Variants in ANKRD31 observed in about 807,000 individuals in gnomAD.
ANKRD31 encodes ankyrin repeat domain-containing protein 31.
A neutral mutation model predicts 186.0 loss-of-function variants in ANKRD31; 147 were observed. The ratio of observed to expected loss-of-function variants is 0.79; its 90% CI spans 0.69 to 0.91. The LOEUF is 0.91. ANKRD31 is among the 40% of genes least tolerant of loss of function. The probability of loss-of-function intolerance (pLI) is 0.00; values close to 1 mark genes in which losing one functional copy is unlikely to be tolerated. For synonymous variants in ANKRD31, 673 were observed against 736.4 expected, an observed-to-expected ratio of 0.91 and a Z score of 1.39; for missense variants, 1,986 against 2,148.8, an observed-to-expected ratio of 0.92 and a Z score of 1.50.
chr5:75,212,015 C>T (rs2150289634), intron 3 of ANKRD31, among the ~76,000 whole-genome samples: 1 of 152,058 alleles, frequency 6.6e-6, no homozygotes, highest in East Asian at 1.9e-4. Context: ...TCTTTTGTTG[C>T]CTGTGCTTTT....
intron 10 of ANKRD31, among the ~76,000 whole-genome samples, chr5:75,185,367 G>A (rs1754631040): frequency 6.6e-6 from 1 of 152,122 alleles, no homozygotes; most frequent in Non-Finnish European, 1.5e-5. Flanking sequence ...AGACCATCCT[G>A]GCCAACATGG....
In ANKRD31 at chr5:75,180,420, C is replaced by T. The variant is rs567189448; in HGVS notation, c.1564+8073G>A. ...TATGGAACCAAAAAAGAGCCCGCAT[C>T]GCCAAGTCAATCCTGAGCCAAAAGA... On this transcript the variant is annotated intron_variant, in intron 10 of 25. Transcript: ENST00000506364. Among the ~76,000 whole-genome samples, 8 of 152,194 alleles carry T rather than the reference C, an allele frequency of 5.3e-5. No individual in the cohort carries two copies. In the East Asian group the frequency reaches 5.8e-4, roughly 11 times the overall value.
chr5:75,150,958 A>G (rs1441454947), intron 12 of ANKRD31, among the ~76,000 whole-genome samples: 1 of 151,912 alleles, frequency 6.6e-6, no homozygotes, highest in Non-Finnish European at 1.5e-5. Flanking sequence ...TTCTCATGCA[A>G]TTTGGCTACT....
rs1261304230 is a variant in ANKRD31 at position 75,236,678 on chromosome 5, T to C, written c.9A>G (p.Glu3=). Residue 3 remains glutamate, a synonymous_variant, in exon 1 of 26, where the codon GAA becomes GAG. Coordinates refer to ENST00000506364, the MANE Select transcript of ANKRD31 (RefSeq NM_001372053.1). ...TGTCCCAGTCTGGGGCCTGGACGCC[T>C]TCCTCCATCTTTGCCTCACATTCAA... ME[E]GVQAPDWDSD... The C allele has an allele frequency of 3.9e-6, 6 of 1,535,976 alleles. No individual in the cohort carries two copies. Among genetic ancestry groups the C allele is most frequent in the Non-Finnish European group, 5.2e-6 (6 of 1,146,138 alleles).
chr5:75,233,150 C>A (rs1758057711), intron 1 of ANKRD31, among the ~76,000 whole-genome samples: 1 of 151,910 alleles, frequency 6.6e-6, no homozygotes, highest in African/African-American at 2.4e-5. Context: ...GCAACCTCCG[C>A]CTTCCAGGTT....
At chr5:75,214,183 G>A (rs1301123886) in intron 3 of ANKRD31, among the ~76,000 whole-genome samples, 1 of 152,146 alleles carries the variant, frequency 6.6e-6, no homozygotes, top group Non-Finnish European at 1.5e-5. Context: ...ATTCTTAAAT[G>A]TTGACATCCA....
chr5:75,167,195 T>C (rs1051138347), intron 11 of ANKRD31, among the ~76,000 whole-genome samples: 1 of 152,196 alleles, frequency 6.6e-6, no homozygotes, highest in Non-Finnish European at 1.5e-5. Context: ...TTACTGCTTT[T>C]TCACTTTTAG....
In ANKRD31 at chr5:75,148,635, A is replaced by C. The variant is rs1022233265; in HGVS notation, c.1853-7T>G. 6.6e-7 allele frequency: 1 copy of C among 1,517,766 alleles called. No individual in the cohort carries two copies. 94.0% of individuals were successfully genotyped at this position (1,517,766 alleles called of 1,614,324 possible). On this transcript the variant is annotated splice_region_variant and splice_polypyrimidine_tract_variant and intron_variant, in intron 12 of 25. Coordinates refer to ENST00000506364, the MANE Select transcript of ANKRD31 (RefSeq NM_001372053.1). ...TCAATGCTACTCCTTTGAGCTGTAA[A>C]CAAAAAGAGAAAATCAATGAAAACA... is the stretch of plus-strand genomic sequence containing the variant.
intron 2 of ANKRD31, among the ~76,000 whole-genome samples, chr5:75,224,275 G>A (rs1757508058): frequency 6.6e-6 from 1 of 151,064 alleles, no homozygotes; most frequent in African/African-American, 2.4e-5. Context: ...AGAACACTGT[G>A]ATTAAAGTGT....
At chr5:75,221,774 A>T (rs1757318997) in intron 3 of ANKRD31, among the ~76,000 whole-genome samples, 1 of 151,380 alleles carries the variant, frequency 6.6e-6, no homozygotes, top group Non-Finnish European at 1.5e-5. Context: ...GAAGATCTTT[A>T]TGATGACCCA....
At chr5:75,101,421 A>AG (rs1286516117) in intron 22 of ANKRD31, among the ~76,000 whole-genome samples, 1 of 151,990 alleles carries the variant, frequency 6.6e-6, no homozygotes, top group Non-Finnish European at 1.5e-5. Flanking sequence ...GCTCTTCTTG[A>AG]GGAGTATCTT....
chr5:75,160,093 T>C (rs1246223411), intron 11 of ANKRD31, among the ~76,000 whole-genome samples: 3 of 152,094 alleles, frequency 2.0e-5, no homozygotes, highest in African/African-American at 7.2e-5. Context: ...TACTTGCTCT[T>C]CTTATCTCAG....
chr5:75,220,369 G>C (rs1265609580), intron 3 of ANKRD31, among the ~76,000 whole-genome samples: 2 of 152,088 alleles, frequency 1.3e-5, no homozygotes, highest in Non-Finnish European at 2.9e-5. Context: ...GGCCGGGAAC[G>C]GTGGCTCACA....
intron 2 of ANKRD31, 75 bp downstream of exon 2, chr5:75,230,487 G>A: frequency 8.6e-7 from 1 of 1,161,696 alleles, no homozygotes; most frequent in South Asian, 1.5e-5. Flanking sequence ...CAGTTTCCAA[G>A]AACCTATCAA....
At position 75,197,038 on chromosome 5, in the gene ANKRD31, T is replaced by A. The variant is rs558187276; in HGVS notation, c.448-838A>T. Among the ~76,000 whole-genome samples, 3 of 152,204 alleles carry A rather than the reference T, an allele frequency of 2.0e-5. No homozygotes were observed. The South Asian group carries it at 6.2e-4, about 32-fold the overall frequency. On this transcript the variant is annotated intron_variant, in intron 6 of 25. Transcript: ENST00000506364. ...GCCTCAGCCTCTTGAGTAGCTGGGA[T>A]TACAGGAGCCTGCCACCATGCCCTG...
chr5:75,159,816 G>A (rs970528319), intron 11 of ANKRD31, among the ~76,000 whole-genome samples: 5 of 152,024 alleles, frequency 3.3e-5, no homozygotes, highest in Non-Finnish European at 7.4e-5. Context: ...AATTATGGGA[G>A]ATAATATGAT....
chr5:75,112,374 T>C, intron 20 of ANKRD31, 139 bp downstream of exon 20: 1 of 531,666 alleles, frequency 1.9e-6, no homozygotes, highest in Non-Finnish European at 3.2e-6. Context: ...TATTAATAAT[T>C]CCTAGCACTT....
intron 10 of ANKRD31, among the ~76,000 whole-genome samples, chr5:75,181,364 A>T (rs927513234): frequency 1.3e-5 from 2 of 152,124 alleles, no homozygotes; most frequent in Admixed American, 6.6e-5. Flanking sequence ...ATACCATTTG[A>T]CCCAGCCATC....
At chr5:75,171,217 T>C (rs1033025140) in intron 10 of ANKRD31, among the ~76,000 whole-genome samples, 7 of 152,080 alleles carry the variant, frequency 4.6e-5, no homozygotes, top group Non-Finnish European at 8.8e-5. Flanking sequence ...TAATATATTA[T>C]GCAATAATCA....
Sources: allele counts gnomAD v4.1 joint callset (sites outside exome capture counted in the v4.1 genomes callset), GRCh38; gene constraint gnomAD v4.1.1; transcripts MANE v1.5; gene names NCBI Gene and HGNC (gene_info 2026-07-23, HGNC 2026-07-21).